Variants in TP53I11 observed in about 807,000 individuals in gnomAD.
TP53I11 encodes the protein tumor protein p53 inducible protein 11.
A neutral mutation model predicts 23.3 loss-of-function variants in TP53I11; 9 were observed. The observed-to-expected ratio is 0.39, with a 90% CI of 0.23 to 0.67. The LOEUF (loss-of-function observed/expected upper bound fraction) is 0.67, where lower values mean the gene tolerates loss of function less well. TP53I11 is among the 30% of genes least tolerant of loss of function. The pLI, the probability that TP53I11 is intolerant of heterozygous loss-of-function variation, is 0.48. For synonymous variants in TP53I11, 100 were observed against 106.1 expected (o/e 0.94, Z 0.35); for missense variants, 170 against 255.2 (o/e 0.67, Z 2.27).
chr11:44,936,715 C>A lies in TP53I11; in HGVS notation c.334+88G>T. ...CTGGCCGAAGAAAGGAAGGGGTGCCCGGGCACGGACCCCCGTGCTCTCCTC... is the reference window on the plus strand; with the variant it reads ...CTGGCCGAAGAAAGGAAGGGGTGCCAGGGCACGGACCCCCGTGCTCTCCTC... On this transcript the variant is annotated intron_variant, in intron 5 of 6. Coordinates refer to ENST00000525680, the MANE Select transcript of TP53I11 (RefSeq NM_006034.5). This position sits in a 1 kb window ranked among gnomAD's most constrained non-coding sequence, Gnocchi z 4.4. 1 of 1,348,628 alleles carries A rather than the reference C, an allele frequency of 7.4e-7. No homozygotes were observed. The highest frequency in any genetic ancestry group is 9.6e-7 in the Non-Finnish European group (1 of 1,042,330). 83.5% of individuals were successfully genotyped at this position (1,348,628 alleles called of 1,614,324 possible). A position where few individuals can be genotyped will look rare whatever the true frequency, so the allele number is the denominator to read the frequency against.
Position 44,935,013 on chromosome 11 carries a change from G to A in TP53I11, c.441C>T (p.Val147=), listed in dbSNP as rs763083380. 1 of 1,613,606 alleles carries A rather than the reference G, an allele frequency of 6.2e-7. No individual in the cohort carries two copies. Among genetic ancestry groups the A allele is most frequent in the Non-Finnish European group, 8.5e-7 (1 of 1,179,976 alleles). Residue 147 remains valine (V), a synonymous_variant, in exon 7 of 7, where the codon GTC becomes GTT. Transcript: ENST00000525680. ...GGCCCGTCTCAGCTAGCGTGGCAGT[G>A]ACCACTGTGGGAGAGAGTCCAGCAA... ...ACYFGVQFLV[V]TATLAETGLM... is the part of the protein sequence containing the mutation.
intron 2 of TP53I11, 75 bp downstream of exon 2, chr11:44,938,132 G>T: frequency 6.6e-7 from 1 of 1,507,220 alleles, no homozygotes; most frequent in Non-Finnish European, 8.8e-7. Flanking sequence ...CTGGGCCTGG[G>T]CTAACCTTCT....
chr11:44,935,082 CT>C (rs764774424), intron 6 of TP53I11, 65 bp from the exon 7 acceptor site: 13 of 1,600,150 alleles, frequency 8.1e-6, no homozygotes, highest in Non-Finnish European at 1.1e-5. Context: ...CGCTGCCCCC[CT>C]AGCCCGGAGC....
intron 1 of TP53I11, among the ~76,000 whole-genome samples, chr11:44,942,239 CCACA>C (rs999040632): frequency 7.2e-6 from 1 of 139,422 alleles, no homozygotes; most frequent in Non-Finnish European, 1.6e-5. Flanking sequence ...CTACCACACA[CCACA>C]CACACCCACA....
At chr11:44,937,390 G>A (rs1222706737) in intron 3 of TP53I11, 38 bp from the exon 4 acceptor site, 8 of 1,476,394 alleles carry the variant, frequency 5.4e-6, no homozygotes, top group Non-Finnish European at 7.2e-6. Flanking sequence ...CCCTGCCCCA[G>A]GGGACCCTCC....
At chr11:44,944,854 C>T (rs539685633) in intron 1 of TP53I11, among the ~76,000 whole-genome samples, 2 of 152,228 alleles carry the variant, frequency 1.3e-5, no homozygotes, top group African/African-American at 4.8e-5. Context: ...GCTGCCCAGG[C>T]TCTGCCCTGG....
chr11:44,948,591 C>A (rs912388352), intron 1 of TP53I11, among the ~76,000 whole-genome samples: 1 of 152,180 alleles, frequency 6.6e-6, no homozygotes, highest in Non-Finnish European at 1.5e-5. Context: ...TCCCCCTGCC[C>A]CCTGCTTTTA....
At chr11:44,947,692 C>T (rs1044891703) in intron 1 of TP53I11, among the ~76,000 whole-genome samples, 4 of 152,260 alleles carry the variant, frequency 2.6e-5, no homozygotes, top group African/African-American at 9.6e-5. Flanking sequence ...AAAGGACTAG[C>T]TCATGACTTA....
intron 4 of TP53I11, 29 bp downstream of exon 4, chr11:44,937,275 G>C (rs368139945): frequency 3.9e-6 from 6 of 1,530,090 alleles, no homozygotes; most frequent in Non-Finnish European, 5.3e-6. Flanking sequence ...CACGGGGCCA[G>C]ATCTCAGGGG....
At position 44,937,597 on chromosome 11, in the gene TP53I11, C is replaced by A. The variant is rs1861295487; in HGVS notation, c.146G>T (p.Gly49Val). The change falls in exon 3 of 7, where the codon GGC becomes GTC. Residue 49 changes from glycine (G) to valine (V), a missense_variant. Transcript: ENST00000525680. ...VHRSKISQVL[G>V]NEIKFTIREP... is the part of the protein sequence containing the mutation. Reference sequence around the variant, plus strand: ...CCGAATGGTAAACTTGATTTCATTGCCTAAGACCTGGCTGATCTGTGGACA... The same window carrying A: ...CCGAATGGTAAACTTGATTTCATTGACTAAGACCTGGCTGATCTGTGGACA... The A allele has an allele frequency of 6.2e-7, 1 of 1,613,500 alleles. No homozygotes were observed. The highest frequency in any genetic ancestry group is 1.7e-5 in the Admixed American group (1 of 59,978).
rs1167419175 is a variant in TP53I11 at position 44,936,644 on chromosome 11, T to G, written c.334+159A>C. ...CCAATGGCCACAAGATGGCAGCACA[T>G]CCCCAGCAGAGAGCTTCATCAGAGG... is the stretch of plus-strand genomic sequence containing the variant. On this transcript the variant is annotated intron_variant, in intron 5 of 6. Coordinates refer to ENST00000525680, the MANE Select transcript of TP53I11 (RefSeq NM_006034.5). The surrounding 1 kb of genome is among the most constrained non-coding windows in gnomAD (Gnocchi z 4.4). 1.5e-6 allele frequency: 2 copies of G among 1,345,124 alleles called. No homozygotes were observed. The highest frequency in any genetic ancestry group is 6.0e-5 in the East Asian group (2 of 33,578). The allele number at this position is 1,345,124 out of a possible 1,614,324, so 83.3% of individuals were successfully genotyped here. A position where few individuals can be genotyped will look rare whatever the true frequency, so the allele number is the denominator to read the frequency against.
chr11:44,934,705 CAGG>C lies in TP53I11; in HGVS notation c.*176_*178del, dbSNP rs2135411748. On this transcript the variant is annotated 3_prime_UTR_variant, in exon 7 of 7. Coordinates refer to ENST00000525680, the MANE Select transcript of TP53I11 (RefSeq NM_006034.5). ...GACCAGCATGTCAAGCCTGAAAGCC[CAGG>C]AGATCACAGCACACGGGGTGCCCAG... The C allele has an allele frequency of 6.2e-6, 5 of 801,874 alleles. No homozygotes were observed. The South Asian group carries it at 7.3e-5, about 12-fold the overall frequency. The allele number at this position is 801,874 out of a possible 1,614,324, so 49.7% of individuals were successfully genotyped here.
intron 2 of TP53I11, 147 bp from the exon 3 acceptor site, chr11:44,937,760 T>G (rs1861319917): frequency 9.7e-6 from 7 of 719,882 alleles, no homozygotes; most frequent in Non-Finnish European, 1.6e-5. Flanking sequence ...GAGGGTCACA[T>G]GAGGCCACCC....
In TP53I11 at chr11:44,936,619, C is replaced by A. The variant is rs977863022; in HGVS notation, c.334+184G>T. The A allele has an allele frequency of 6.0e-6, 8 of 1,337,966 alleles. No individual in the cohort carries two copies. The African/African-American group carries it at 1.2e-4, about 20-fold the overall frequency. The allele number at this position is 1,337,966 out of a possible 1,614,324, so 82.9% of individuals were successfully genotyped here. A position where few individuals can be genotyped will look rare whatever the true frequency, so the allele number is the denominator to read the frequency against. On this transcript the variant is annotated intron_variant, in intron 5 of 6. Transcript: ENST00000525680. The surrounding 1 kb of genome is among the most constrained non-coding windows in gnomAD (Gnocchi z 4.4). The stretch of plus-strand genomic sequence containing the variant: ...GCTCCAACCCACTGGGTGTATTCCA[C>A]CAATGGCCACAAGATGGCAGCACAT...
intron 1 of TP53I11, among the ~76,000 whole-genome samples, chr11:44,941,732 C>T (rs532756505): frequency 1.4e-4 from 21 of 152,206 alleles, no homozygotes; most frequent in Admixed American, 1.3e-3. Context: ...AGGATGGAGG[C>T]CATGGAGGAG....
chr11:44,935,162 GCCCC>G, intron 6 of TP53I11, 145 bp from the exon 7 acceptor site: 1 of 1,164,130 alleles, frequency 8.6e-7, no homozygotes, highest in South Asian at 1.4e-5. Flanking sequence ...CACAGGACCT[GCCCC>G]CTGCCCCTGC....
chr11:44,938,854 C>T (rs1379415578), intron 1 of TP53I11, among the ~76,000 whole-genome samples: 1 of 152,150 alleles, frequency 6.6e-6, no homozygotes, highest in Non-Finnish European at 1.5e-5. Context: ...GCCCCTCTCC[C>T]GTCTCCCTGC....
chr11:44,937,043 C>T (rs1861214898), intron 4 of TP53I11, 144 bp from the exon 5 acceptor site: 2 of 732,608 alleles, frequency 2.7e-6, no homozygotes, highest in East Asian at 2.8e-5. Context: ...CCCAATTGTC[C>T]CCACCCGCCC....
chr11:44,942,227 ACCTAC>A (rs1340163172), intron 1 of TP53I11, among the ~76,000 whole-genome samples: 3 of 137,046 alleles, frequency 2.2e-5, no homozygotes, highest in Non-Finnish European at 3.2e-5. Context: ...CCCACCACAC[ACCTAC>A]CACACACCAC....
Sources: gnomAD v4.1 joint callset for allele counts (sites outside exome capture counted in the v4.1 genomes callset) on GRCh38, gnomAD v4.1.1 for gene constraint, Gnocchi (gnomAD v3.1) non-coding constraint, MANE v1.5 for transcripts, NCBI Gene and HGNC (gene_info 2026-07-23, HGNC 2026-07-21) for gene names.